The following DCDC2C variants were observed in gnomAD, a reference collection of about 807,000 sequenced individuals.
DCDC2C encodes doublecortin domain-containing protein 2C.
DCDC2C carries 44 observed loss-of-function variants against 45.0 expected under a neutral mutation model. The observed-to-expected ratio is 0.98, with a 90% CI of 0.77 to 1.26. DCDC2C has a LOEUF of 1.26. Among genes scored for constraint, DCDC2C ranks in the 50% most tolerant of loss-of-function variants. The pLI is 0.00. For missense variants in DCDC2C, 447 were observed against 468.9 expected (o/e 0.95, Z 0.43); for synonymous variants, 187 against 178.8 (o/e 1.05, Z -0.37).
chr2:3,710,504 A>G (rs903860487), intron 2 of DCDC2C, among the ~76,000 whole-genome samples: 1 of 152,166 alleles, frequency 6.6e-6, no homozygotes, highest in African/African-American at 2.4e-5. Flanking sequence ...AATGGCTTCC[A>G]ACTCCATCCA....
At chr2:3,755,325 G>A (rs1020766724) in intron 6 of DCDC2C, among the ~76,000 whole-genome samples, 4 of 152,132 alleles carry the variant, frequency 2.6e-5, no homozygotes, top group Non-Finnish European at 5.9e-5. Flanking sequence ...GTTTGCATAC[G>A]TGCACATGCA....
chr2:3,716,032 G>T (rs1175439878), intron 2 of DCDC2C, among the ~76,000 whole-genome samples: 1 of 152,190 alleles, frequency 6.6e-6, no homozygotes, highest in Non-Finnish European at 1.5e-5. Flanking sequence ...AACCGACGGT[G>T]CAAAGGACAC....
intron 10 of DCDC2C, among the ~76,000 whole-genome samples, chr2:3,807,193 C>T (rs1035132644): frequency 2.6e-5 from 4 of 152,090 alleles, no homozygotes; most frequent in Admixed American, 6.6e-5. Context: ...GGGATCTTCC[C>T]TATCAGATTG....
chr2:3,839,783 C>T (rs1045855229), intron 10 of DCDC2C, among the ~76,000 whole-genome samples: 3 of 152,180 alleles, frequency 2.0e-5, no homozygotes, highest in Non-Finnish European at 4.4e-5. Flanking sequence ...TCATCTCACT[C>T]GCCAAAATGT....
At chr2:3,803,665 G>A (rs759824811) in intron 10 of DCDC2C, among the ~76,000 whole-genome samples, 19 of 152,256 alleles carry the variant, frequency 1.2e-4, no homozygotes, top group South Asian at 1.0e-3. Context: ...AGACACCTTC[G>A]TCCTCTTCTC....
chr2:3,834,253 T>C (rs1459866460), intron 10 of DCDC2C, among the ~76,000 whole-genome samples: 1 of 152,160 alleles, frequency 6.6e-6, no homozygotes, highest in Non-Finnish European at 1.5e-5. Context: ...TTCCACATTC[T>C]ACAAGTTTGG....
rs1670061555 is a variant in DCDC2C, at chr2:3,768,007, A to G, written c.853+127A>G. ...TGTTTGACTTGTAACTATCTGCTTT[A>G]TTAATAAAAGGTTCAGCTTGTAGGT... is the stretch of plus-strand genomic sequence containing the variant. On this transcript the variant is annotated intron_variant, in intron 7 of 10. Transcript: ENST00000399143. The G allele has an allele frequency of 1.8e-5, 20 of 1,095,070 alleles. No individual in the cohort carries two copies. The South Asian group carries it at 3.4e-4, about 19-fold the overall frequency. The allele number at this position is 1,095,070 out of a possible 1,614,324, so 67.8% of individuals were successfully genotyped here.
chr2:3,773,999 G>A (rs1397522457), intron 8 of DCDC2C, among the ~76,000 whole-genome samples: 3 of 152,228 alleles, frequency 2.0e-5, no homozygotes, highest in Non-Finnish European at 2.9e-5. Flanking sequence ...CTAGGGCAGT[G>A]CCCCCTGCAC....
intron 3 of DCDC2C, among the ~76,000 whole-genome samples, chr2:3,728,952 G>A (rs1325546456): frequency 1.3e-5 from 2 of 152,166 alleles, no homozygotes; most frequent in Non-Finnish European, 2.9e-5. Flanking sequence ...GGAGGTTGAG[G>A]CTCAGATTGA....
chr2:3,711,500 G>C (rs1668208658), intron 2 of DCDC2C, among the ~76,000 whole-genome samples: 1 of 152,162 alleles, frequency 6.6e-6, no homozygotes, highest in African/African-American at 2.4e-5. Flanking sequence ...GCAGGGACAT[G>C]GATGGAGTTG....
chr2:3,737,267 A>G (rs1157529296), intron 3 of DCDC2C, among the ~76,000 whole-genome samples: 2 of 152,312 alleles, frequency 1.3e-5, no homozygotes, highest in South Asian at 2.1e-4. Flanking sequence ...TCAAATGTGG[A>G]GAACTTTTCA....
At chr2:3,719,040 C>T (rs1190458134) in intron 2 of DCDC2C, among the ~76,000 whole-genome samples, 3 of 152,062 alleles carry the variant, frequency 2.0e-5, no homozygotes, top group African/African-American at 7.2e-5. Flanking sequence ...GGCTTCACCT[C>T]TCACTATCTC....
intron 10 of DCDC2C, among the ~76,000 whole-genome samples, chr2:3,812,206 C>G (rs906898872): frequency 1.4e-5 from 2 of 147,210 alleles, no homozygotes; most frequent in Non-Finnish European, 3.0e-5. Context: ...CCATATGGTC[C>G]TGGGCTTTTT....
At chr2:3,752,943 A>T in intron 5 of DCDC2C, 43 bp downstream of exon 5, 1 of 1,537,084 alleles carries the variant, frequency 6.5e-7, no homozygotes. Flanking sequence ...TTTGGAAAAA[A>T]ATTAGCCTTT....
chr2:3,792,756 T>C (rs1033632012), intron 10 of DCDC2C, among the ~76,000 whole-genome samples: 1 of 152,210 alleles, frequency 6.6e-6, no homozygotes, highest in Non-Finnish European at 1.5e-5. Context: ...TTACCCTAAA[T>C]TGACAGCCAT....
chr2:3,774,068 C>G (rs183001382), intron 8 of DCDC2C, among the ~76,000 whole-genome samples: 4 of 152,268 alleles, frequency 2.6e-5, no homozygotes, highest in African/African-American at 7.2e-5. Context: ...AATAAGTCAC[C>G]AACCAAAGAG....
chr2:3,841,750 G>A (rs1672219713), intron 10 of DCDC2C, among the ~76,000 whole-genome samples: 2 of 141,640 alleles, frequency 1.4e-5, no homozygotes, highest in African/African-American at 2.5e-5. Flanking sequence ...CTTCCTGTGG[G>A]ATTAGCAGAG....
chr2:3,746,951 G>A, intron 4 of DCDC2C, among the ~76,000 whole-genome samples: 1 of 152,158 alleles, frequency 6.6e-6, no homozygotes, highest in East Asian at 1.9e-4. Context: ...ACAATGGCCT[G>A]GCCCTGGGAG....
rs897706600 is a variant in DCDC2C at position 3,734,508 on chromosome 2, A to G, written c.417-7412A>G. ...GGGGTTAAGGCTTTGATGGTGTAGT[A>G]TGGTTATGTGAGGGGGAAAGCAGTA... On this transcript the variant is annotated intron_variant, in intron 3 of 10. Coordinates refer to ENST00000399143, the MANE Select transcript of DCDC2C (RefSeq NM_001287444.2). The surrounding 1 kb of genome is among the most constrained non-coding windows in gnomAD (Gnocchi z 4.2). 2.0e-5 allele frequency among the ~76,000 whole-genome samples: 3 copies of G among 152,158 alleles called. No homozygotes were observed. The highest frequency in any genetic ancestry group is 1.3e-4 in the Admixed American group (2 of 15,278).
Sources: gnomAD v4.1 joint callset for allele counts (sites outside exome capture counted in the v4.1 genomes callset) on GRCh38, gnomAD v4.1.1 for gene constraint, Gnocchi (gnomAD v3.1) non-coding constraint, MANE v1.5 for transcripts, NCBI Gene and HGNC (gene_info 2026-07-23, HGNC 2026-07-21) for gene names.